Variants in LIPK observed in about 807,000 individuals in gnomAD.
LIPK encodes lipase member K.
A neutral mutation model predicts 48.6 loss-of-function variants in LIPK; 32 were observed. The ratio of observed to expected loss-of-function variants is 0.66; its 90% CI spans 0.50 to 0.88. The LOEUF is 0.88. LIPK is among the 40% of genes least tolerant of loss of function. LIPK has a pLI of 0.00. For missense variants in LIPK, 507 were observed against 478.5 expected (o/e 1.06, Z -0.56); for synonymous variants, 164 against 157.4 (o/e 1.04, Z -0.32).
At chr10:88,726,470 G>A (rs1403337164) in intron 2 of LIPK, among the ~76,000 whole-genome samples, 1 of 152,174 alleles carries the variant, frequency 6.6e-6, no homozygotes, top group Non-Finnish European at 1.5e-5. Flanking sequence ...GGGAACGAAT[G>A]CCTTGAGCTG....
At chr10:88,742,991 T>A (rs1842706866) in intron 8 of LIPK, among the ~76,000 whole-genome samples, 1 of 152,232 alleles carries the variant, frequency 6.6e-6, no homozygotes, top group African/African-American at 2.4e-5. Flanking sequence ...ATGGTAACAT[T>A]TAAAGGCATT....
At chr10:88,733,245 C>T (rs1175537690) in intron 6 of LIPK, among the ~76,000 whole-genome samples, 1 of 152,212 alleles carries the variant, frequency 6.6e-6, no homozygotes, top group Non-Finnish European at 1.5e-5. Flanking sequence ...TCTAGGCCTC[C>T]TAATCTCCTC....
At chr10:88,746,360 T>C (rs1370553749) in intron 9 of LIPK, among the ~76,000 whole-genome samples, 2 of 151,828 alleles carry the variant, frequency 1.3e-5, no homozygotes, top group Non-Finnish European at 2.9e-5. Flanking sequence ...TACTCTAAAA[T>C]CGACCACACA....
At chr10:88,732,940 A>G (rs1190396840) in intron 6 of LIPK, among the ~76,000 whole-genome samples, 2 of 152,198 alleles carry the variant, frequency 1.3e-5, no homozygotes, top group African/African-American at 2.4e-5. Flanking sequence ...TGTTATTTCT[A>G]TGATTTGCAA....
At position 88,752,409 on chromosome 10, in the gene LIPK, T is replaced by G. The variant is rs74147266; in HGVS notation, c.961-108T>G. The G allele has an allele frequency of 1.8e-5, 13 of 732,540 alleles. No individual in the cohort carries two copies. In the South Asian group the frequency reaches 2.3e-4, roughly 13 times the overall value. 45.4% of individuals were successfully genotyped at this position (732,540 alleles called of 1,614,324 possible). A position where few individuals can be genotyped will look rare whatever the true frequency, so the allele number is the denominator to read the frequency against. Reference sequence around the variant, plus strand: ...TATATACCATTAAGTGTAAACTAATTGTACACTTGTAGCATTTAAAGAACT... The same window carrying G: ...TATATACCATTAAGTGTAAACTAATGGTACACTTGTAGCATTTAAAGAACT... On this transcript the variant is annotated intron_variant, in intron 9 of 9. Coordinates refer to ENST00000404190, the MANE Select transcript of LIPK (RefSeq NM_001080518.2).
chr10:88,718,669 G>C (rs998149922), intron 1 of LIPK, among the ~76,000 whole-genome samples: 12 of 151,842 alleles, frequency 7.9e-5, no homozygotes, highest in Non-Finnish European at 1.5e-5. Flanking sequence ...CTTCATAAGG[G>C]GTAGTAAGAC....
rs554822544 is a variant in LIPK at position 88,706,941 on chromosome 10, T to A, written c.-12+621T>A. Among the ~76,000 whole-genome samples the A allele has an allele frequency of 4.0e-3, 604 of 152,218 alleles. 9 individuals carry two copies. Among genetic ancestry groups the A allele is most frequent in the African/African-American group, 0.014 (575 of 41,538 alleles). ...GGTTCACATTAATGTAGATGATATT[T>A]AAGAGTATCATGCTCCTGTCACCCT... is the stretch of plus-strand genomic sequence containing the variant. On this transcript the variant is annotated intron_variant, in intron 1 of 9. Transcript: ENST00000404190.
At chr10:88,722,787 T>C (rs1590137137) in intron 1 of LIPK, among the ~76,000 whole-genome samples, 1 of 152,208 alleles carries the variant, frequency 6.6e-6, no homozygotes. Context: ...CTGTTTGATG[T>C]TGGGCAAATT....
chr10:88,721,494 T>C (rs1842224646), intron 1 of LIPK, among the ~76,000 whole-genome samples: 1 of 152,194 alleles, frequency 6.6e-6, no homozygotes, highest in Non-Finnish European at 1.5e-5. Flanking sequence ...TCCTTCTATA[T>C]CCAGATCCAT....
chr10:88,712,376 C>T (rs543734793), intron 1 of LIPK, among the ~76,000 whole-genome samples: 1 of 152,270 alleles, frequency 6.6e-6, no homozygotes, highest in South Asian at 2.1e-4. Flanking sequence ...ATAAAAATGA[C>T]TGGTAACAAT....
chr10:88,740,808 A>AC (rs11300051), intron 8 of LIPK, among the ~76,000 whole-genome samples: 4,812 of 148,708 alleles, frequency 0.032, 91 homozygotes, highest in African/African-American at 0.052. Flanking sequence ...TATATCTGAG[A>AC]CCCCCCCCCA....
chr10:88,726,291 G>A (rs1256869113), intron 2 of LIPK, among the ~76,000 whole-genome samples: 2 of 152,196 alleles, frequency 1.3e-5, no homozygotes, highest in African/African-American at 4.8e-5. Flanking sequence ...ACTTACCTAT[G>A]CCTCTTTATG....
chr10:88,739,997 G>GA lies in LIPK; in HGVS notation c.818_819insA (p.Ser273ArgfsTer27). The GA allele has an allele frequency of 6.2e-7, 1 of 1,610,240 alleles. No individual in the cohort carries two copies. The highest frequency in any genetic ancestry group is 1.1e-5 in the South Asian group (1 of 90,746). On this transcript the variant is annotated frameshift_variant and splice_region_variant, in exon 8 of 10. Coordinates refer to ENST00000404190, the MANE Select transcript of LIPK (RefSeq NM_001080518.2). LOFTEE classifies it high-confidence loss of function. ...AGATGAGAAGTAATCTCTTTGCAGA[G>GA]TCGCTTGGATGTTTATTTGTCACAC...
chr10:88,748,050 A>T (rs1290689645), intron 9 of LIPK, among the ~76,000 whole-genome samples: 2 of 152,220 alleles, frequency 1.3e-5, no homozygotes, highest in Non-Finnish European at 2.9e-5. Flanking sequence ...TATGTGGTAC[A>T]TATGCACCAT....
intron 8 of LIPK, among the ~76,000 whole-genome samples, chr10:88,741,242 C>G (rs76259967): frequency 6.6e-6 from 1 of 152,218 alleles, no homozygotes; most frequent in South Asian, 2.1e-4. Context: ...CAAAAAAAAG[C>G]GTGCAGTGGT....
At chr10:88,707,458 A>T (rs1299907621) in intron 1 of LIPK, among the ~76,000 whole-genome samples, 1 of 152,058 alleles carries the variant, frequency 6.6e-6, no homozygotes, top group Non-Finnish European at 1.5e-5. Context: ...AATCTTTCAG[A>T]CCCTATTTTA....
rs536751600 is a variant in LIPK, at chr10:88,713,008, A to T, written c.-12+6688A>T. On this transcript the variant is annotated intron_variant, in intron 1 of 9. Coordinates refer to ENST00000404190, the MANE Select transcript of LIPK (RefSeq NM_001080518.2). ...AGGTTACTGGAATTTCATGAAATGT[A>T]TGCATCCTGGTAGTCATTTAAAGAA... is the stretch of plus-strand genomic sequence containing the variant. Among the ~76,000 whole-genome samples, 3 of 152,330 alleles carry T rather than the reference A, an allele frequency of 2.0e-5. No homozygotes were observed. The South Asian group carries it at 6.2e-4, about 32-fold the overall frequency.
intron 9 of LIPK, among the ~76,000 whole-genome samples, chr10:88,751,143 T>C (rs941217473): frequency 6.6e-6 from 1 of 152,150 alleles, no homozygotes; most frequent in Admixed American, 6.5e-5. Flanking sequence ...TAGCAAATAG[T>C]ACTATTTTCG....
At chr10:88,752,379 A>G in intron 9 of LIPK, 138 bp from the exon 10 acceptor site, 1 of 571,858 alleles carries the variant, frequency 1.7e-6, no homozygotes, top group East Asian at 2.8e-5. Context: ...TAACATTTTA[A>G]TGTTTATATA....
Sources: gnomAD v4.1 joint callset for allele counts (sites outside exome capture counted in the v4.1 genomes callset) on GRCh38, gnomAD v4.1.1 for gene constraint, MANE v1.5 for transcripts, NCBI Gene and HGNC (gene_info 2026-07-23, HGNC 2026-07-21) for gene names.